The following PPP2CA variants were observed in gnomAD, a reference collection of about 807,000 sequenced individuals.
PPP2CA encodes protein phosphatase 2 catalytic subunit alpha.
In PPP2CA, 5 loss-of-function variants were observed where a neutral mutation model predicts 38.8. The ratio of observed to expected loss-of-function variants is 0.13; its 90% confidence interval spans 0.07 to 0.27. PPP2CA has a LOEUF of 0.27. Ranked by LOEUF, PPP2CA falls within the 10% of genes least tolerant of loss-of-function variation. PPP2CA has a pLI of 1.00. For synonymous variants in PPP2CA, 152 were observed against 134.0 expected (o/e 1.13, Z -0.93); for missense variants, 88 against 389.7 (o/e 0.23, Z 6.52).
intron 1 of PPP2CA, among the ~76,000 whole-genome samples, chr5:134,214,888 A>G (rs1260584971): frequency 6.6e-6 from 1 of 152,130 alleles, no homozygotes; most frequent in East Asian, 1.9e-4. Flanking sequence ...AGAGTTTTTC[A>G]TTTTAAAATC....
At chr5:134,213,053 CTAAGA>C (rs376376702) in intron 1 of PPP2CA, among the ~76,000 whole-genome samples, 47 of 152,274 alleles carry the variant, frequency 3.1e-4, no homozygotes, top group African/African-American at 1.0e-3. Flanking sequence ...GACGATCTAC[CTAAGA>C]TAAGTGATGA....
intron 1 of PPP2CA, chr5:134,224,216 T>C (rs1488355370): frequency 6.7e-6 from 3 of 447,850 alleles, no homozygotes; most frequent in South Asian, 4.8e-5. Flanking sequence ...TATACATTCA[T>C]TTTTAAAGGC....
chr5:134,218,177 C>T (rs1182297144), intron 1 of PPP2CA, among the ~76,000 whole-genome samples: 1 of 151,842 alleles, frequency 6.6e-6, no homozygotes, highest in Non-Finnish European at 1.5e-5. Flanking sequence ...ACATTTCAAT[C>T]TTCTTTGATT....
Position 134,195,212 on chromosome 5 carries a change from A to C in PPP2CA, c.*2560T>G, listed in dbSNP as rs1274981718. On this transcript the variant is annotated 3_prime_UTR_variant, in exon 7 of 7. Coordinates refer to ENST00000481195, the MANE Select transcript of PPP2CA (RefSeq NM_002715.4). ...CAAATTCATTGTAAACTTACAAAAT[A>C]AGTTTCAAAATTTCTGCAAGCCCTC... 6.6e-6 allele frequency: 1 copy of C among 152,206 alleles called. No individual in the cohort carries two copies. Among genetic ancestry groups the C allele is most frequent in the Non-Finnish European group, 1.5e-5 (1 of 68,050 alleles). The allele number at this position is 152,206 out of a possible 1,614,324, so 9.4% of individuals were successfully genotyped here.
Position 134,195,651 on chromosome 5 carries a change from A to G in PPP2CA, c.*2121T>C, listed in dbSNP as rs1340683743. 3 of 152,212 alleles carry G rather than the reference A, an allele frequency of 2.0e-5. No homozygotes were observed. The highest frequency in any genetic ancestry group is 4.4e-5 in the Non-Finnish European group (3 of 68,034). The allele number at this position is 152,212 out of a possible 1,614,324, so 9.4% of individuals were successfully genotyped here. ...TAGTGATTCCCATCCAACCATAATTATGTATTTTTCAAGAAAATACATAAT... is the reference window on the plus strand; with the variant it reads ...TAGTGATTCCCATCCAACCATAATTGTGTATTTTTCAAGAAAATACATAAT... On this transcript the variant is annotated 3_prime_UTR_variant, in exon 7 of 7. Transcript: ENST00000481195.
rs1762575570 is a variant in PPP2CA, at chr5:134,226,037, C to A, written c.-176G>T. On this transcript the variant is annotated 5_prime_UTR_variant, in exon 1 of 7. Transcript: ENST00000481195. ...TCGGCCGTCGGCCGCTGCGCCTCCTCCTCCGCTCGCTGAGGCTCCAGAGCT... is the reference window on the plus strand; with the variant it reads ...TCGGCCGTCGGCCGCTGCGCCTCCTACTCCGCTCGCTGAGGCTCCAGAGCT... 1 of 540,198 alleles carries A rather than the reference C, an allele frequency of 1.9e-6. No individual in the cohort carries two copies. Among genetic ancestry groups the A allele is most frequent in the Non-Finnish European group, 3.2e-6 (1 of 310,422 alleles). 33.5% of individuals were successfully genotyped at this position (540,198 alleles called of 1,614,324 possible).
At chr5:134,202,080 C>T (rs980709037) in intron 2 of PPP2CA, 59 bp from the exon 3 acceptor site, 1 of 1,486,416 alleles carries the variant, frequency 6.7e-7, no homozygotes, top group Non-Finnish European at 9.0e-7. Flanking sequence ...AATGAAAATT[C>T]AAGAAACTTT....
chr5:134,200,949 G>C, intron 4 of PPP2CA, 36 bp downstream of exon 4: 1 of 1,514,932 alleles, frequency 6.6e-7, no homozygotes, highest in South Asian at 1.1e-5. Context: ...TCCCTAATAA[G>C]TTTTCTGAAA....
intron 5 of PPP2CA, among the ~76,000 whole-genome samples, chr5:134,200,105 T>G (rs1761942237): frequency 6.6e-6 from 1 of 152,222 alleles, no homozygotes; most frequent in Non-Finnish European, 1.5e-5. Context: ...AAGTACTTCC[T>G]AGTCATTCAG....
rs6596169 is a variant in PPP2CA, at chr5:134,194,678, G to C, written c.*3094C>G. ...AGGCTGGAGTGCAATGGCACGATCT[G>C]GGCTCACTGTAACCTCCTCCTCCTG... On this transcript the variant is annotated 3_prime_UTR_variant, in exon 7 of 7. Transcript: ENST00000481195. The C allele has an allele frequency of 0.77, 117,619 of 152,198 alleles. 45,899 individuals carry two copies. Among genetic ancestry groups the C allele is most frequent in the Non-Finnish European group, 0.82 (56,003 of 68,084 alleles). 9.4% of individuals were successfully genotyped at this position (152,198 alleles called of 1,614,324 possible).
intron 1 of PPP2CA, among the ~76,000 whole-genome samples, chr5:134,209,449 G>A (rs1385679217): frequency 6.6e-6 from 1 of 152,138 alleles, no homozygotes; most frequent in Non-Finnish European, 1.5e-5. Context: ...CAGAACAGTA[G>A]AACAATAAAA....
In PPP2CA at chr5:134,207,519, T is replaced by C. The variant is rs1207331101; in HGVS notation, c.103-1388A>G. ...GCACCCCCACCCCTCCTTTTCCCAG[T>C]GTGCAACCAAGTTTAAGAACCACTG... is the stretch of plus-strand genomic sequence containing the variant. On this transcript the variant is annotated intron_variant, in intron 1 of 6. Transcript: ENST00000481195. 3.9e-5 allele frequency among the ~76,000 whole-genome samples: 6 copies of C among 152,174 alleles called. 1 individual carries two copies. Among genetic ancestry groups the C allele is most frequent in the African/African-American group, 7.2e-5 (3 of 41,444 alleles).
rs553196629 is a variant in PPP2CA at position 134,197,598 on chromosome 5, G to A, written c.*174C>T. 12 of 598,654 alleles carry A rather than the reference G, an allele frequency of 2.0e-5. No individual in the cohort carries two copies. The highest frequency in any genetic ancestry group is 1.3e-4 in the African/African-American group (7 of 54,112). 37.1% of individuals were successfully genotyped at this position (598,654 alleles called of 1,614,324 possible). A position where few individuals can be genotyped will look rare whatever the true frequency, so the allele number is the denominator to read the frequency against. On this transcript the variant is annotated 3_prime_UTR_variant, in exon 7 of 7. Transcript: ENST00000481195. ...AACTGGTTCATTCTAAAGTGGTCAC[G>A]GCTGTTGATGACAAGAGGCTTTGTA...
chr5:134,224,060 C>T (rs977525402), intron 1 of PPP2CA, among the ~76,000 whole-genome samples: 3 of 152,196 alleles, frequency 2.0e-5, no homozygotes, highest in Non-Finnish European at 4.4e-5. Flanking sequence ...CTTCCAGTTA[C>T]GTCATTACCT....
At chr5:134,223,604 AT>A in intron 1 of PPP2CA, among the ~76,000 whole-genome samples, 1 of 152,182 alleles carries the variant, frequency 6.6e-6, no homozygotes, top group African/African-American at 2.4e-5. Context: ...AGCAATGGAG[AT>A]TTACCTCACT....
intron 1 of PPP2CA, among the ~76,000 whole-genome samples, chr5:134,209,542 G>C (rs1762157564): frequency 1.3e-5 from 2 of 152,182 alleles, no homozygotes; most frequent in African/African-American, 4.8e-5. Context: ...TACTTTGCGA[G>C]GCTGAGGCGA....
chr5:134,206,900 G>C (rs1412555788), intron 1 of PPP2CA, among the ~76,000 whole-genome samples: 1 of 152,212 alleles, frequency 6.6e-6, no homozygotes, highest in African/African-American at 2.4e-5. Flanking sequence ...CACTACCGTA[G>C]AGGGGAGAAG....
rs3863186 is a variant in PPP2CA at position 134,225,898 on chromosome 5, G to C, written c.-37C>G. 0.78 allele frequency: 1,241,535 copies of C among 1,588,072 alleles called. 490,596 individuals carry two copies. The highest frequency in any genetic ancestry group is 0.82 in the Non-Finnish European group (957,924 of 1,169,354). ...CCCCAGCCGGCTGCCGCTCCGCGCT[G>C]CTCCCGCGCCGCCGCCCGCACACGG... On this transcript the variant is annotated 5_prime_UTR_variant, in exon 1 of 7. Transcript: ENST00000481195.
Position 134,225,538 on chromosome 5 carries a change from G to T in PPP2CA, c.102+222C>A, listed in dbSNP as rs1486081071. 8 of 486,452 alleles carry T rather than the reference G, an allele frequency of 1.6e-5. No individual in the cohort carries two copies. In the Admixed American group the frequency reaches 2.9e-4, roughly 17 times the overall value. 30.1% of individuals were successfully genotyped at this position (486,452 alleles called of 1,614,324 possible). A position where few individuals can be genotyped will look rare whatever the true frequency, so the allele number is the denominator to read the frequency against. ...GCTGACTCAAAAGCCCAGGAGTCGA[G>T]TGAACGGCGCCATTTTAGGCGGCGG... On this transcript the variant is annotated intron_variant, in intron 1 of 6. Coordinates refer to ENST00000481195, the MANE Select transcript of PPP2CA (RefSeq NM_002715.4).
Sources: gnomAD v4.1 joint callset for allele counts (sites outside exome capture counted in the v4.1 genomes callset) on GRCh38, gnomAD v4.1.1 for gene constraint, MANE v1.5 for transcripts, NCBI Gene and HGNC (gene_info 2026-07-23, HGNC 2026-07-21) for gene names.